Variants in UBR1 observed in about 807,000 individuals in gnomAD.
UBR1 encodes E3 ubiquitin-protein ligase UBR1.
A neutral mutation model predicts 242.1 loss-of-function variants in UBR1; 102 were observed. The ratio of observed to expected loss-of-function variants is 0.42; its 90% CI spans 0.36 to 0.50. UBR1 has a LOEUF of 0.50. Ranked by LOEUF, UBR1 falls within the 20% of genes least tolerant of loss-of-function variation. The pLI is 0.01. For missense variants in UBR1, 1,772 were observed against 2,101.8 expected, an observed-to-expected ratio of 0.84 and a Z score of 3.07; for synonymous variants, 675 against 684.8, an observed-to-expected ratio of 0.99 and a Z score of 0.22.
At chr15:42,982,121 C>G (rs1019526797) in intron 37 of UBR1, among the ~76,000 whole-genome samples, 2 of 152,196 alleles carry the variant, frequency 1.3e-5, no homozygotes, top group Admixed American at 1.3e-4. Flanking sequence ...GATCCTCCCC[C>G]TCAGGCTCCT....
At chr15:42,980,668 G>A (rs1218956704) in intron 37 of UBR1, among the ~76,000 whole-genome samples, 2 of 152,030 alleles carry the variant, frequency 1.3e-5, no homozygotes, top group Non-Finnish European at 2.9e-5. Context: ...GAGTGCAGTA[G>A]TACAATCATG....
At chr15:43,079,274 T>C (rs764349729) in intron 3 of UBR1, among the ~76,000 whole-genome samples, 234 of 151,948 alleles carry the variant, frequency 1.5e-3, no homozygotes, top group Admixed American at 2.5e-3. Flanking sequence ...GAGACCAACC[T>C]GGGCAACACA....
chr15:42,995,199 A>G (rs1055426676), intron 33 of UBR1, among the ~76,000 whole-genome samples: 2 of 152,214 alleles, frequency 1.3e-5, no homozygotes, highest in Non-Finnish European at 2.9e-5. Context: ...AAAAAAACTG[A>G]TTTAAGGCTG....
chr15:43,059,342 G>C, intron 8 of UBR1, 150 bp from the exon 9 acceptor site: 2 of 734,416 alleles, frequency 2.7e-6, no homozygotes, highest in Non-Finnish European at 4.8e-6. Flanking sequence ...TGGCATTACA[G>C]ACATGAGCCC....
chr15:43,011,181 CAA>C (rs994808478), intron 29 of UBR1, among the ~76,000 whole-genome samples: 1 of 128,174 alleles, frequency 7.8e-6, no homozygotes. Context: ...GACCCCATCT[CAA>C]AAAAAAAAAA....
At chr15:42,966,323 T>C (rs2141259257) in intron 40 of UBR1, 37 bp from the exon 41 acceptor site, 1 of 1,613,118 alleles carries the variant, frequency 6.2e-7, no homozygotes, top group Non-Finnish European at 8.5e-7. Context: ...ACAGAATACA[T>C]ATCAGACTAA....
At chr15:42,979,168 C>T (rs1490571182) in intron 37 of UBR1, among the ~76,000 whole-genome samples, 1 of 151,770 alleles carries the variant, frequency 6.6e-6, no homozygotes, top group African/African-American at 2.4e-5. Context: ...GCTGGGATTA[C>T]AGGCATGAGC....
chr15:42,976,995 T>C lies in UBR1; in HGVS notation c.4219-128A>G, dbSNP rs1160522629. On this transcript the variant is annotated intron_variant, in intron 38 of 46. Coordinates refer to ENST00000290650, the MANE Select transcript of UBR1 (RefSeq NM_174916.3). ...TGTGTGTGTTTTTTAATAAAAACCA[T>C]ATTTTTCTTATTTATTCAATAGAAT... 3.9e-6 allele frequency: 4 copies of C among 1,023,654 alleles called. No individual in the cohort carries two copies. In the African/African-American group the frequency reaches 4.8e-5, roughly 12 times the overall value. The allele number at this position is 1,023,654 out of a possible 1,614,324, so 63.4% of individuals were successfully genotyped here.
At chr15:42,993,008 C>T (rs886761316) in intron 33 of UBR1, among the ~76,000 whole-genome samples, 1 of 152,140 alleles carries the variant, frequency 6.6e-6, no homozygotes, top group Non-Finnish European at 1.5e-5. Flanking sequence ...CAGCTCTATG[C>T]CTGAGGCTGG....
intron 9 of UBR1, 123 bp from the exon 10 acceptor site, chr15:43,058,552 A>G (rs931179654): frequency 1.5e-6 from 1 of 652,136 alleles, no homozygotes; most frequent in South Asian, 1.9e-5. Flanking sequence ...CAGACCTCAA[A>G]TAGTATTTAT....
intron 29 of UBR1, among the ~76,000 whole-genome samples, chr15:43,010,818 C>CAAAA (rs768275252): frequency 1.2e-4 from 7 of 56,964 alleles, no homozygotes; most frequent in African/African-American, 2.2e-4. Context: ...ACTAAAAATA[C>CAAAA]AAAAAAAAAA....
chr15:42,945,663 A>G (rs2031721752), intron 46 of UBR1, among the ~76,000 whole-genome samples, 193 bp from the exon 47 acceptor site: 1 of 152,198 alleles, frequency 6.6e-6, no homozygotes, highest in Admixed American at 6.5e-5. Flanking sequence ...CTAATAAAGC[A>G]GAAATGTACT....
In UBR1 at chr15:43,007,200, G is replaced by A. The variant is rs1233073912; in HGVS notation, c.3294C>T (p.Cys1098=). 2.5e-6 allele frequency: 4 copies of A among 1,614,096 alleles called. No homozygotes were observed. In the South Asian group the frequency reaches 3.3e-5, roughly 13 times the overall value. ...PSVTEKEVLT[C]ILCQEEQEVK... Reference sequence around the variant, plus strand: ...CCTCCTGTTCTTCTTGGCAAAGGATGCACGTCAGCACCTCCTTTTCAGTAA... The same window carrying A: ...CCTCCTGTTCTTCTTGGCAAAGGATACACGTCAGCACCTCCTTTTCAGTAA... Residue 1098 remains cysteine, a synonymous_variant, in exon 30 of 47, where the codon TGC becomes TGT. Transcript: ENST00000290650.
In UBR1 at chr15:43,014,993, G is replaced by A. The variant is rs1044719324; in HGVS notation, c.3209+695C>T. Among the ~76,000 whole-genome samples the A allele has an allele frequency of 7.4e-5, 11 of 149,582 alleles. No individual in the cohort carries two copies. In the South Asian group the frequency reaches 8.6e-4, roughly 12 times the overall value. On this transcript the variant is annotated intron_variant, in intron 29 of 46. Coordinates refer to ENST00000290650, the MANE Select transcript of UBR1 (RefSeq NM_174916.3). ...GGAGGTGGGGGGTCAGCCCCCGCCCGGCCAGACGCCCCGACTGGGAGGGAG... is the reference window on the plus strand; with the variant it reads ...GGAGGTGGGGGGTCAGCCCCCGCCCAGCCAGACGCCCCGACTGGGAGGGAG...
Position 42,952,315 on chromosome 15 carries a change from C to A in UBR1, c.4969G>T (p.Ala1657Ser), listed in dbSNP as rs550798440. The A allele has an allele frequency of 1.9e-6, 3 of 1,614,022 alleles. No individual in the cohort carries two copies. The highest frequency in any genetic ancestry group is 3.3e-5 in the Admixed American group (2 of 60,000). The change falls in exon 45 of 47, where the codon GCA (alanine) becomes TCA (serine). Residue 1657 changes from alanine (A) to serine (S), a missense_variant. Coordinates refer to ENST00000290650, the MANE Select transcript of UBR1 (RefSeq NM_174916.3). ...GEEVGACIFH[A>S]LHCGAGVCIF... ...CAGACTCCGGCTCCACAGTGAAGTG[C>A]GTGAAAAATGCAAGCTCCAACCTCT...
At chr15:43,030,599 G>A (rs1265667841) in intron 20 of UBR1, among the ~76,000 whole-genome samples, 1 of 152,138 alleles carries the variant, frequency 6.6e-6, no homozygotes, top group Non-Finnish European at 1.5e-5. Flanking sequence ...AAAAATGACT[G>A]GTGCTGTGAA....
chr15:42,976,510 A>T (rs1010800572), intron 39 of UBR1, among the ~76,000 whole-genome samples: 8 of 152,198 alleles, frequency 5.3e-5, no homozygotes, highest in African/African-American at 1.9e-4. Context: ...AGCAGTTGAT[A>T]ATTAGGTAGT....
chr15:43,065,722 A>G (rs1452179113), intron 6 of UBR1, among the ~76,000 whole-genome samples: 2 of 152,268 alleles, frequency 1.3e-5, no homozygotes, highest in East Asian at 3.9e-4. Context: ...TCTAATGATC[A>G]ATGATGTTGA....
intron 1 of UBR1, among the ~76,000 whole-genome samples, chr15:43,091,397 C>T (rs1328619193): frequency 2.0e-5 from 3 of 152,100 alleles, no homozygotes; most frequent in Non-Finnish European, 4.4e-5. Context: ...TCAACCAGTA[C>T]AATACAAATA....
Sources: gnomAD v4.1 joint callset for allele counts (sites outside exome capture counted in the v4.1 genomes callset) on GRCh38, gnomAD v4.1.1 for gene constraint, MANE v1.5 for transcripts, NCBI Gene and HGNC (gene_info 2026-07-23, HGNC 2026-07-21) for gene names.